Variants in PIR observed in about 807,000 individuals in gnomAD.
PIR encodes the protein pirin (iron-binding nuclear protein).
Under a neutral mutation model 24.2 loss-of-function variants are expected in PIR, and 22 were observed. The observed-to-expected ratio is 0.91, with a 90% confidence interval of 0.65 to 1.30. PIR has a LOEUF of 1.30. PIR is among the 50% of genes most tolerant of loss of function. The probability of loss-of-function intolerance (pLI) is 0.00; values close to 1 mark genes in which losing one functional copy is unlikely to be tolerated. For missense variants in PIR, 220 were observed against 220.3 expected, an observed-to-expected ratio of 1.00 and a Z score of 0.01; for synonymous variants, 80 against 79.6, an observed-to-expected ratio of 1.00 and a Z score of -0.03.
At chrX:15,454,973 A>C (rs1036241503) in intron 5 of PIR, among the ~76,000 whole-genome samples, 3 of 112,262 alleles carry the variant, frequency 2.7e-5, no homozygotes, top group African/African-American at 9.7e-5. Flanking sequence ...AGGTAAAGCC[A>C]CCCTCTTTAG....
chrX:15,433,671 G>GA (rs1925608115), intron 5 of PIR, among the ~76,000 whole-genome samples: 2 of 90,349 alleles, frequency 2.2e-5, no homozygotes, highest in Non-Finnish European at 4.4e-5. Flanking sequence ...AAAGAAGGAG[G>GA]AGGAGGAAGG....
rs1921275721 is a variant in PIR, at chrX:15,460,981, G to A, written c.190-1241C>T. Among the ~76,000 whole-genome samples, 2 of 112,189 alleles carry A rather than the reference G, an allele frequency of 1.8e-5. 1 individual carries two copies. The highest frequency in any genetic ancestry group is 7.4e-4 in the South Asian group (2 of 2,696). ...GAGTAAACTGAGATAAAGAATCTCT[G>A]TGACTGGGCCACATTAGCCATACAA... On this transcript the variant is annotated intron_variant, in intron 3 of 9. Coordinates refer to ENST00000380420, the MANE Select transcript of PIR (RefSeq NM_001018109.3).
intron 6 of PIR, among the ~76,000 whole-genome samples, chrX:15,420,175 C>T (rs982094553): frequency 2.9e-4 from 32 of 111,648 alleles, no homozygotes; most frequent in African/African-American, 1.0e-3. Flanking sequence ...TCAGCCTGGG[C>T]GACAGAGCAA....
rs1013528928 is a variant in PIR, at chrX:15,415,400, T to C, written c.566-7850A>G. On this transcript the variant is annotated intron_variant, in intron 6 of 9. Coordinates refer to ENST00000380420, the MANE Select transcript of PIR (RefSeq NM_001018109.3). ...TCAGTGAACTGTGAACCCCTTAAAA[T>C]GTTCATGGCATTCTCCATCATGGAT... 7.2e-5 allele frequency among the ~76,000 whole-genome samples: 8 copies of C among 111,875 alleles called. No homozygotes were observed. In the Admixed American group the frequency reaches 7.6e-4, roughly 11 times the overall value.
intron 5 of PIR, among the ~76,000 whole-genome samples, chrX:15,435,418 C>T (rs1359156268): frequency 1.8e-5 from 2 of 111,301 alleles, no homozygotes; most frequent in African/African-American, 3.3e-5. Context: ...CTTCTTTATC[C>T]CTGTTAAGTT....
At chrX:15,412,024 A>G (rs1346958004) in intron 6 of PIR, among the ~76,000 whole-genome samples, 1 of 111,284 alleles carries the variant, frequency 9.0e-6, no homozygotes, top group African/African-American at 3.3e-5. Context: ...CCTTGAAATA[A>G]TTTTCAGTAT....
chrX:15,492,144 A>G (rs1392202132), intron 1 of PIR, among the ~76,000 whole-genome samples: 1 of 109,617 alleles, frequency 9.1e-6, no homozygotes, highest in African/African-American at 3.3e-5. Flanking sequence ...GAGAAAATGG[A>G]GAAAAACAAA....
intron 7 of PIR, among the ~76,000 whole-genome samples, chrX:15,403,992 T>TA (rs1924472839): frequency 1.9e-5 from 1 of 53,416 alleles, no homozygotes; most frequent in African/African-American, 6.0e-5. Context: ...TCCAGCATTT[T>TA]CTTTTTTTTT....
chrX:15,446,979 G>T (rs1406724306), intron 5 of PIR, among the ~76,000 whole-genome samples: 1 of 112,340 alleles, frequency 8.9e-6, no homozygotes, highest in Non-Finnish European at 1.9e-5. Flanking sequence ...TACTATCAAT[G>T]ATTTAGAGCT....
intron 5 of PIR, among the ~76,000 whole-genome samples, chrX:15,435,291 T>C (rs1925718657): frequency 1.8e-5 from 2 of 112,103 alleles, no homozygotes; most frequent in South Asian, 7.4e-4. Context: ...TTAATCTATG[T>C]GGAATTATTT....
chrX:15,432,127 TATTA>T (rs1383604533), intron 5 of PIR, among the ~76,000 whole-genome samples: 2 of 111,281 alleles, frequency 1.8e-5, no homozygotes, highest in Non-Finnish European at 1.9e-5. Flanking sequence ...GCATCGTATG[TATTA>T]ATTAAGGCCA....
intron 3 of PIR, among the ~76,000 whole-genome samples, chrX:15,465,006 A>C (rs1344111949): frequency 8.9e-6 from 1 of 112,154 alleles, no homozygotes; most frequent in Admixed American, 9.4e-5. Flanking sequence ...AGGATGAAAA[A>C]TCTAAGTGGA....
At chrX:15,401,348 C>T (rs767199144) in intron 7 of PIR, among the ~76,000 whole-genome samples, 1 of 103,163 alleles carries the variant, frequency 9.7e-6, no homozygotes, top group South Asian at 3.8e-4. Flanking sequence ...TGAGCCACTG[C>T]GCCTAACCAA....
At chrX:15,397,910 T>C (rs1215791617) in intron 7 of PIR, among the ~76,000 whole-genome samples, 2 of 112,280 alleles carry the variant, frequency 1.8e-5, no homozygotes, top group African/African-American at 6.5e-5. Flanking sequence ...ATTGAGTACC[T>C]ACAATTGCCT....
intron 8 of PIR, among the ~76,000 whole-genome samples, chrX:15,393,511 C>T (rs972931380): frequency 4.5e-5 from 5 of 111,023 alleles, no homozygotes; most frequent in South Asian, 3.8e-4. Flanking sequence ...AGGAACTGGG[C>T]TGCACAACAG....
At chrX:15,408,754 C>A (rs1247037800) in intron 6 of PIR, among the ~76,000 whole-genome samples, 1 of 111,824 alleles carries the variant, frequency 8.9e-6, no homozygotes. Flanking sequence ...AAGGACAGAG[C>A]CCACACTGGA....
chrX:15,449,227 T>A (rs1255583752), intron 5 of PIR, among the ~76,000 whole-genome samples: 1 of 111,652 alleles, frequency 9.0e-6, no homozygotes, highest in Non-Finnish European at 1.9e-5. Context: ...AACTCCTTTT[T>A]TTCTACAGTA....
intron 6 of PIR, among the ~76,000 whole-genome samples, chrX:15,414,862 G>C (rs1035870234): frequency 9.0e-6 from 1 of 111,143 alleles, no homozygotes; most frequent in Non-Finnish European, 1.9e-5. Flanking sequence ...ATACACCCCT[G>C]CCAAAATTGA....
intron 6 of PIR, among the ~76,000 whole-genome samples, chrX:15,424,622 T>C (rs113786145): frequency 0.09 from 10,142 of 112,104 alleles, 470 homozygotes; most frequent in Non-Finnish European, 0.13. Context: ...ACTGACTTGA[T>C]CTTTACAAAT....
Sources: gnomAD v4.1 joint callset for allele counts (sites outside exome capture counted in the v4.1 genomes callset) on GRCh38, gnomAD v4.1.1 for gene constraint, MANE v1.5 for transcripts, NCBI Gene and HGNC (gene_info 2026-07-23, HGNC 2026-07-21) for gene names.